The following DOCK10 variants were observed in gnomAD, a reference collection of about 807,000 sequenced individuals.
The protein encoded by DOCK10 is dedicator of cytokinesis protein 10.
Under a neutral mutation model 280.1 loss-of-function variants are expected in DOCK10, and 145 were observed. The observed-to-expected ratio is 0.52, with a 90% CI of 0.45 to 0.59. The LOEUF (loss-of-function observed/expected upper bound fraction) is 0.59, where lower values mean the gene tolerates loss of function less well. DOCK10 is among the 20% of genes least tolerant of loss of function. DOCK10 has a pLI of 0.00. For synonymous variants in DOCK10, 915 were observed against 942.2 expected (o/e 0.97, Z 0.53); for missense variants, 2,368 against 2,651.7 (o/e 0.89, Z 2.35).
chr2:224,802,453 G>C (rs1482780190), intron 39 of DOCK10, among the ~76,000 whole-genome samples: 4 of 152,090 alleles, frequency 2.6e-5, no homozygotes, highest in African/African-American at 7.2e-5. Flanking sequence ...TGTAAAATCA[G>C]GTTCTAAAAC....
chr2:224,958,690 G>A lies in DOCK10; in HGVS notation c.124-27022C>T, dbSNP rs79586841. Among the ~76,000 whole-genome samples, 3 of 151,160 alleles carry A rather than the reference G, an allele frequency of 2.0e-5. No homozygotes were observed. The East Asian group carries it at 5.9e-4, about 29-fold the overall frequency. ...ATATCATATGTTTAAAAAAAAAAAA[G>A]AACTTTTCATGGTTACTTTTCTGCC... On this transcript the variant is annotated intron_variant, in intron 1 of 55. Coordinates refer to ENST00000258390, the MANE Select transcript of DOCK10 (RefSeq NM_014689.3).
chr2:224,834,515 T>C (rs73079817), intron 25 of DOCK10, among the ~76,000 whole-genome samples: 2,350 of 152,230 alleles, frequency 0.015, 57 homozygotes, highest in African/African-American at 0.053. Context: ...CAGAGAGCCA[T>C]TTAGCACGTT....
intron 50 of DOCK10, among the ~76,000 whole-genome samples, chr2:224,785,643 G>C (rs967638688): frequency 6.6e-6 from 1 of 151,910 alleles, no homozygotes; most frequent in Non-Finnish European, 1.5e-5. Context: ...ACCACACCCG[G>C]CTAATTTTTT....
intron 3 of DOCK10, among the ~76,000 whole-genome samples, chr2:224,903,090 TC>T (rs1700398315): frequency 6.6e-6 from 1 of 152,192 alleles, no homozygotes; most frequent in Admixed American, 6.5e-5. Context: ...AGAGCGAGAC[TC>T]CGTCTCAAAA....
At chr2:225,040,944 A>G (rs1690403987) in intron 1 of DOCK10, among the ~76,000 whole-genome samples, 1 of 152,140 alleles carries the variant, frequency 6.6e-6, no homozygotes, top group Non-Finnish European at 1.5e-5. Flanking sequence ...GCACAGAGTG[A>G]GCTAACAGTT....
chr2:224,804,394 A>G (rs141953669), intron 38 of DOCK10, among the ~76,000 whole-genome samples, 181 bp from the exon 39 acceptor site: 426 of 152,122 alleles, frequency 2.8e-3, no homozygotes, highest in African/African-American at 1.0e-2. Flanking sequence ...AGGTGCTTCA[A>G]ACGTTGTTGT....
intron 3 of DOCK10, among the ~76,000 whole-genome samples, chr2:224,903,123 C>T (rs553373301): frequency 8.5e-5 from 13 of 152,114 alleles, no homozygotes; most frequent in African/African-American, 3.1e-4. Context: ...AACAAACAAA[C>T]AAACAAAAAA....
At chr2:224,825,080 A>G (rs751840298) in intron 27 of DOCK10, among the ~76,000 whole-genome samples, 2 of 151,370 alleles carry the variant, frequency 1.3e-5, no homozygotes, top group East Asian at 1.9e-4. Context: ...CCTGGGTTCA[A>G]GCAATTCTCT....
chr2:224,980,073 G>A (rs999213924), intron 1 of DOCK10, among the ~76,000 whole-genome samples: 3 of 152,140 alleles, frequency 2.0e-5, no homozygotes, highest in Non-Finnish European at 2.9e-5. Context: ...GTAAGAAGAC[G>A]ATTAGCCAAT....
intron 1 of DOCK10, chr2:224,947,161 G>A: frequency 1.3e-6 from 1 of 767,502 alleles, no homozygotes; most frequent in East Asian, 3.5e-5. Context: ...TTCAGATACT[G>A]CTTTTGTGCA....
intron 1 of DOCK10, among the ~76,000 whole-genome samples, chr2:224,987,645 C>T (rs151057484): frequency 6.6e-5 from 10 of 152,300 alleles, no homozygotes; most frequent in Non-Finnish European, 1.3e-4. Flanking sequence ...GTCAACCTAA[C>T]AGCTTGTCCA....
chr2:224,988,473 A>ACACCTC (rs1352981268), intron 1 of DOCK10, among the ~76,000 whole-genome samples: 1 of 152,212 alleles, frequency 6.6e-6, no homozygotes, highest in Non-Finnish European at 1.5e-5. Flanking sequence ...GGATACATGT[A>ACACCTC]CACCTCCCTC....
At position 224,856,999 on chromosome 2, in the gene DOCK10, A is replaced by G. The variant is rs761555059; in HGVS notation, c.1686-17T>C. 1 of 1,591,808 alleles carries G rather than the reference A, an allele frequency of 6.3e-7. No homozygotes were observed. Among genetic ancestry groups the G allele is most frequent in the South Asian group, 1.2e-5 (1 of 86,742 alleles). The stretch of plus-strand genomic sequence containing the variant: ...AATACTGATCTAAAAGAAAATATTT[A>G]TTCAGGTTGGTAGTTGGATATTGTT... On this transcript the variant is annotated splice_polypyrimidine_tract_variant and intron_variant, in intron 14 of 55. Coordinates refer to ENST00000258390, the MANE Select transcript of DOCK10 (RefSeq NM_014689.3).
intron 1 of DOCK10, among the ~76,000 whole-genome samples, chr2:224,969,035 T>A (rs1008265820): frequency 2.6e-5 from 4 of 152,214 alleles, no homozygotes; most frequent in Admixed American, 6.5e-5. Context: ...GCACAGTGTC[T>A]TCTGCGGAAC....
At chr2:224,851,829 T>A (rs1260468440) in intron 18 of DOCK10, among the ~76,000 whole-genome samples, 1 of 152,086 alleles carries the variant, frequency 6.6e-6, no homozygotes, top group African/African-American at 2.4e-5. Flanking sequence ...CTTTGTAGAG[T>A]GAAACACCAC....
intron 1 of DOCK10, among the ~76,000 whole-genome samples, chr2:224,969,077 T>C (rs1704935563): frequency 1.3e-5 from 2 of 152,358 alleles, no homozygotes; most frequent in African/African-American, 4.8e-5. Context: ...TGTGATTTTT[T>C]TTCTACTTTT....
At chr2:225,039,190 T>C (rs572597958) in intron 1 of DOCK10, among the ~76,000 whole-genome samples, 1 of 152,292 alleles carries the variant, frequency 6.6e-6, no homozygotes, top group South Asian at 2.1e-4. Flanking sequence ...GCCAACATGG[T>C]ATGTATATTC....
intron 27 of DOCK10, among the ~76,000 whole-genome samples, chr2:224,826,397 T>C (rs1387268059): frequency 6.6e-6 from 1 of 152,134 alleles, no homozygotes; most frequent in East Asian, 1.9e-4. Flanking sequence ...GCTGGCCAAG[T>C]GCCCAACAAC....
chr2:224,797,007 A>T lies in DOCK10; in HGVS notation c.4784T>A (p.Phe1595Tyr), dbSNP rs774642606. The part of the protein sequence containing the change: ...ALLYFFMRKN[F>Y]EFNKQKSIVR... Reference sequence around the variant, plus strand: ...AATTGACTTCTGCTTGTTAAATTCAAAATTCTTCCTCATGAAAAAGTACAG... The same window carrying T: ...AATTGACTTCTGCTTGTTAAATTCATAATTCTTCCTCATGAAAAAGTACAG... The change falls in exon 43 of 56, where the codon TTT (phenylalanine) becomes TAT (tyrosine). Residue 1595 changes from phenylalanine (F) to tyrosine (Y), a missense_variant. Physicochemically the swap from Phe to Tyr is conservative, Grantham distance 22 (BLOSUM62 3). Transcript: ENST00000258390. 5.0e-6 allele frequency: 8 copies of T among 1,613,360 alleles called. No individual in the cohort carries two copies. The highest frequency in any genetic ancestry group is 6.8e-6 in the Non-Finnish European group (8 of 1,179,664).
Sources: gnomAD v4.1 joint callset for allele counts (sites outside exome capture counted in the v4.1 genomes callset) on GRCh38, gnomAD v4.1.1 for gene constraint, MANE v1.5 for transcripts, NCBI Gene and HGNC (gene_info 2026-07-23, HGNC 2026-07-21) for gene names.